Variants in ANO1 observed in about 807,000 individuals in gnomAD.
ANO1 encodes anoctamin 1, also known as anoctamin-1.
A neutral mutation model predicts 124.0 loss-of-function variants in ANO1; 59 were observed. That is an observed-to-expected ratio of 0.48 (90% CI 0.39 to 0.59). ANO1 has a LOEUF of 0.59. Among genes scored for constraint, ANO1 ranks in the 20% least tolerant of loss-of-function variants. The pLI is 0.00. For missense variants in ANO1, 1,059 were observed against 1,328.0 expected, an observed-to-expected ratio of 0.80 and a Z score of 3.15; for synonymous variants, 529 against 532.0, an observed-to-expected ratio of 0.99 and a Z score of 0.08.
the ANO1 span, among the ~76,000 whole-genome samples, chr11:69,967,894 GC>G: frequency 6.6e-6 from 1 of 152,302 alleles, no homozygotes; most frequent in South Asian, 2.1e-4. Context: ...CCCTCTCTGG[GC>G]CTGGGTCCCT....
chr11:70,176,178 A>G (rs1370736083), intron 22 of ANO1, among the ~76,000 whole-genome samples: 2 of 142,052 alleles, frequency 1.4e-5, no homozygotes, highest in African/African-American at 5.4e-5. Flanking sequence ...TTTTTTGGAG[A>G]CAAGAGTTTC....
intron 5 of ANO1, among the ~76,000 whole-genome samples, chr11:70,106,056 G>A (rs2135375918): frequency 6.6e-6 from 1 of 152,264 alleles, no homozygotes; most frequent in South Asian, 2.1e-4. Context: ...TCAAAGGTCG[G>A]TGTTTCTGGA....
chr11:70,103,438 C>T (rs1344847785), intron 3 of ANO1, among the ~76,000 whole-genome samples: 2 of 152,148 alleles, frequency 1.3e-5, no homozygotes, highest in East Asian at 3.9e-4. Flanking sequence ...GAAAAGCCCA[C>T]CTCTCGGCCC....
At chr11:69,975,933 C>T in the ANO1 span, among the ~76,000 whole-genome samples, 6 of 152,154 alleles carry the variant, frequency 3.9e-5, no homozygotes, top group East Asian at 1.9e-4. Flanking sequence ...TTGAGACCCT[C>T]GGTGCCCCCA....
intron 23 of ANO1, among the ~76,000 whole-genome samples, chr11:70,181,259 C>T (rs926367855): frequency 2.0e-5 from 3 of 152,310 alleles, no homozygotes; most frequent in South Asian, 2.1e-4. Context: ...TGACGGTCGA[C>T]GCCCCTGCAG....
chr11:70,187,959 C>A lies in ANO1; in HGVS notation c.2916C>A (p.Leu972=). The part of the protein sequence containing the change: ...HHNTKACPDS[L]GSPAPSHAYH... ...ACACCAAAGCCTGCCCAGACAGCCT[C>A]GGCAGCCCAGCCCCCAGCCATGCCT... Residue 972 remains leucine, a synonymous_variant, in exon 26 of 26, where the codon CTC becomes CTA. Transcript: ENST00000355303. The A allele has an allele frequency of 6.4e-7, 1 of 1,574,422 alleles. No individual in the cohort carries two copies. Among genetic ancestry groups the A allele is most frequent in the African/African-American group, 1.3e-5 (1 of 74,162 alleles).
intron 4 of ANO1, among the ~76,000 whole-genome samples, 152 bp from the exon 5 acceptor site, chr11:70,105,582 G>A (rs956728078): frequency 6.6e-6 from 1 of 152,180 alleles, no homozygotes; most frequent in Admixed American, 6.5e-5. Flanking sequence ...AAATGCCCAG[G>A]GGCGGACGGG....
At chr11:69,994,555 T>C (rs1360140814) in intron 1 of ANO1, among the ~76,000 whole-genome samples, 1 of 152,198 alleles carries the variant, frequency 6.6e-6, no homozygotes, top group Non-Finnish European at 1.5e-5. Context: ...TATATATATA[T>C]GATGGCAATT....
At chr11:70,169,640 C>T (rs2048381420) in intron 21 of ANO1, among the ~76,000 whole-genome samples, 1 of 152,166 alleles carries the variant, frequency 6.6e-6, no homozygotes, top group Non-Finnish European at 1.5e-5. Flanking sequence ...TAAGCAATGC[C>T]TCATCCCCTC....
chr11:70,168,020 A>C (rs2135746358), intron 21 of ANO1, among the ~76,000 whole-genome samples: 2 of 152,114 alleles, frequency 1.3e-5, no homozygotes, highest in East Asian at 3.9e-4. Context: ...CTCAAAGGAG[A>C]CCCAGGGATC....
At position 70,164,157 on chromosome 11, in the gene ANO1, C is replaced by A. The variant is rs553317867; in HGVS notation, c.1950+817C>A. The stretch of plus-strand genomic sequence containing the variant: ...CTTGCTCCACTGTTTGTCCCACAAC[C>A]AGGGGCTCCATCAGACCAAGCCGGG... On this transcript the variant is annotated intron_variant, in intron 19 of 25. Coordinates refer to ENST00000355303, the MANE Select transcript of ANO1 (RefSeq NM_018043.7). Among the ~76,000 whole-genome samples, 7 of 152,318 alleles carry A rather than the reference C, an allele frequency of 4.6e-5. No homozygotes were observed. In the East Asian group the frequency reaches 1.3e-3, roughly 29 times the overall value.
At chr11:70,139,593 G>A (rs1405727454) in intron 11 of ANO1, among the ~76,000 whole-genome samples, 1 of 152,152 alleles carries the variant, frequency 6.6e-6, no homozygotes, top group Non-Finnish European at 1.5e-5. Context: ...CAAAGTGCTG[G>A]GATTACAGGT....
chr11:70,041,396 T>A (rs1313798784), intron 1 of ANO1, among the ~76,000 whole-genome samples: 1 of 152,218 alleles, frequency 6.6e-6, no homozygotes, highest in African/African-American at 2.4e-5. Context: ...ATGGGGACAT[T>A]TATACATGGA....
upstream of ANO1, among the ~76,000 whole-genome samples, chr11:69,985,546 G>A (rs1330034175): frequency 6.6e-5 from 10 of 152,276 alleles, no homozygotes; most frequent in East Asian, 1.7e-3. Context: ...GAACCGCCCC[G>A]CGCCCAGGGC....
chr11:70,098,066 AC>A (rs1206930648), intron 2 of ANO1, among the ~76,000 whole-genome samples: 1 of 152,066 alleles, frequency 6.6e-6, no homozygotes, highest in African/African-American at 2.4e-5. Flanking sequence ...CCCTTGGGGC[AC>A]CCGCCAAGGC....
intron 7 of ANO1, 26 bp downstream of exon 7, chr11:70,111,788 T>C (rs777647460): frequency 6.2e-7 from 1 of 1,613,038 alleles, no homozygotes; most frequent in South Asian, 1.1e-5. Flanking sequence ...ACACGATTTA[T>C]CTCTGCGTCA....
rs184479688 is a variant in ANO1 at position 70,186,877 on chromosome 11, A to C, written c.2695-861A>C. ...AGCTTTTCACAGCAAGCAGTGCAAA[A>C]GGTGTGTGGGGCTGGGTTCCGCAGA... On this transcript the variant is annotated intron_variant, in intron 25 of 25. Transcript: ENST00000355303. 4.3e-4 allele frequency among the ~76,000 whole-genome samples: 65 copies of C among 152,250 alleles called. No homozygotes were observed. The East Asian group carries it at 0.013, about 29-fold the overall frequency.
At chr11:69,993,977 AT>A (rs1856207349) in intron 1 of ANO1, among the ~76,000 whole-genome samples, 1 of 151,954 alleles carries the variant, frequency 6.6e-6, no homozygotes, top group South Asian at 2.1e-4. Context: ...GCACTCACGC[AT>A]CTGCCCCACA....
intron 1 of ANO1, among the ~76,000 whole-genome samples, chr11:70,028,399 C>T (rs1555003437): frequency 6.6e-6 from 1 of 152,176 alleles, no homozygotes; most frequent in Non-Finnish European, 1.5e-5. Context: ...CACACTCTGC[C>T]ACCCCAGGGA....
Sources: gnomAD v4.1 joint callset for allele counts (sites outside exome capture counted in the v4.1 genomes callset) on GRCh38, gnomAD v4.1.1 for gene constraint, MANE v1.5 for transcripts, NCBI Gene and HGNC (gene_info 2026-07-23, HGNC 2026-07-21) for gene names.